The following WDR20 variants were observed in gnomAD, a reference collection of about 807,000 sequenced individuals.
WDR20 encodes WD repeat-containing protein 20.
Under a neutral mutation model 38.7 loss-of-function variants are expected in WDR20, and 3 were observed. That is an observed-to-expected ratio of 0.08 (90% CI 0.04 to 0.20). The LOEUF is 0.20. Ranked by LOEUF, WDR20 falls within the 10% of genes least tolerant of loss-of-function variation. The pLI, the probability that WDR20 is intolerant of heterozygous loss-of-function variation, is 1.00. For missense variants in WDR20, 559 were observed against 727.7 expected (o/e 0.77, Z 2.67); for synonymous variants, 298 against 285.6 (o/e 1.04, Z -0.44).
intron 1 of WDR20, among the ~76,000 whole-genome samples, chr14:102,152,222 G>A (rs2056147283): frequency 6.6e-6 from 1 of 151,806 alleles, no homozygotes; most frequent in Admixed American, 6.6e-5. Flanking sequence ...TGGCCCATGA[G>A]TACTCTTTTT....
intron 1 of WDR20, among the ~76,000 whole-genome samples, chr14:102,180,751 A>G (rs1045906900): frequency 2.6e-5 from 4 of 152,190 alleles, no homozygotes; most frequent in Non-Finnish European, 4.4e-5. Flanking sequence ...GCTGCTGTCT[A>G]TGAGACCTGC....
At chr14:102,147,382 T>G (rs1178815749) in intron 1 of WDR20, among the ~76,000 whole-genome samples, 1 of 152,094 alleles carries the variant, frequency 6.6e-6, no homozygotes, top group African/African-American at 2.4e-5. Context: ...AAGCGAGACC[T>G]TCCCAAAAAA....
At chr14:102,185,793 C>T (rs1475122078) in intron 1 of WDR20, among the ~76,000 whole-genome samples, 1 of 145,100 alleles carries the variant, frequency 6.9e-6, no homozygotes, top group Non-Finnish European at 1.5e-5. Context: ...TCCAGCTGGG[C>T]GACAGAGCGA....
rs1161495839 is a variant in WDR20, at chr14:102,222,976, G to C, written c.*93G>C. ...AGCTGCGCCTGAGCCGTGCCAGCCG[G>C]CGGACCTCAGGCGGTGGACGTCGGC... is the stretch of plus-strand genomic sequence containing the variant. On this transcript the variant is annotated 3_prime_UTR_variant, in exon 4 of 4. Coordinates refer to the WDR20 transcript ENST00000335263. The surrounding 1 kb of genome is among the most constrained non-coding windows in gnomAD (Gnocchi z 4.4). 6.6e-7 allele frequency: 1 copy of C among 1,518,672 alleles called. No individual in the cohort carries two copies. The highest frequency in any genetic ancestry group is 1.4e-5 in the African/African-American group (1 of 72,970). 94.1% of individuals were successfully genotyped at this position (1,518,672 alleles called of 1,614,324 possible).
chr14:102,194,915 G>T, intron 1 of WDR20, 23 bp from the exon 2 acceptor site: 1 of 1,611,168 alleles, frequency 6.2e-7, no homozygotes, highest in South Asian at 1.1e-5. Flanking sequence ...TTTACTGTAT[G>T]TATTTTTCTC....
chr14:102,170,286 T>G (rs898223418), intron 1 of WDR20, among the ~76,000 whole-genome samples: 1 of 152,230 alleles, frequency 6.6e-6, no homozygotes. Context: ...TATACTGCAA[T>G]AAATCACTTT....
intron 1 of WDR20, among the ~76,000 whole-genome samples, chr14:102,194,442 G>C (rs1444078045): frequency 6.6e-6 from 1 of 152,170 alleles, no homozygotes; most frequent in Admixed American, 6.5e-5. Context: ...GGTGAGGTTT[G>C]AGATTTTTGC....
At chr14:102,203,372 A>G (rs918493283) in intron 2 of WDR20, among the ~76,000 whole-genome samples, 3 of 152,064 alleles carry the variant, frequency 2.0e-5, no homozygotes, top group African/African-American at 7.2e-5. Context: ...GATCATTGAC[A>G]TTTTTTTTCA....
intron 1 of WDR20, among the ~76,000 whole-genome samples, chr14:102,182,402 C>T (rs1280657424): frequency 2.0e-5 from 3 of 151,662 alleles, no homozygotes; most frequent in Non-Finnish European, 4.4e-5. Flanking sequence ...CCTCTCTCCT[C>T]TCATTGAGTG....
chr14:102,224,036 G>GTTTTTTTTTTTTTTTTTTTTTTTTTTT (rs1184725386), downstream of WDR20, among the ~76,000 whole-genome samples: 2 of 139,442 alleles, frequency 1.4e-5, no homozygotes, highest in African/African-American at 5.4e-5. Flanking sequence ...GTTTACCTGA[G>GTTTTTTTTTTTTTTTTTTTTTTTTTTT]ATTTTTTTTT....
downstream of WDR20, among the ~76,000 whole-genome samples, chr14:102,224,275 C>T (rs1190560): frequency 1.6e-3 from 237 of 151,980 alleles, 2 homozygotes; most frequent in East Asian, 0.036. Flanking sequence ...CTCCTGACCT[C>T]GTGATCCGCC....
intron 1 of WDR20, among the ~76,000 whole-genome samples, chr14:102,141,635 AAGGGAATGTTAC>A (rs1377782377): frequency 6.6e-6 from 1 of 152,114 alleles, no homozygotes; most frequent in Non-Finnish European, 1.5e-5. Flanking sequence ...CCTCTTTAAA[AAGGGAATGTTAC>A]AGTGCACGTT....
At chr14:102,165,102 C>A (rs1335122537) in intron 1 of WDR20, among the ~76,000 whole-genome samples, 1 of 152,110 alleles carries the variant, frequency 6.6e-6, no homozygotes, top group African/African-American at 2.4e-5. Flanking sequence ...GCTTTCTGGA[C>A]CACCTGTTTC....
intron 1 of WDR20, among the ~76,000 whole-genome samples, chr14:102,173,830 G>A (rs556528964): frequency 6.6e-6 from 1 of 152,130 alleles, no homozygotes; most frequent in African/African-American, 2.4e-5. Context: ...AGATCATGAG[G>A]TCAGGAGATC....
At chr14:102,218,168 G>A (rs532194790), downstream of WDR20, among the ~76,000 whole-genome samples, 1 of 152,376 alleles carries the variant, frequency 6.6e-6, no homozygotes, top group East Asian at 1.9e-4. Context: ...CCCAGGGCCT[G>A]TGTGCGTCTT....
chr14:102,223,357 AAGAC>A (rs1362676715), exon 4 of WDR20: 1 of 152,694 alleles, frequency 6.5e-6, no homozygotes, highest in Non-Finnish European at 1.5e-5. Context: ...GTAATTCAGG[AAGAC>A]AGACGCTGCA....
chr14:102,210,129 T>A lies in WDR20; in HGVS notation c.*249T>A. On this transcript the variant is annotated 3_prime_UTR_variant, in exon 3 of 3. Transcript: ENST00000342702. ...GTCATCCTCCTGGGAGTATATAGAG[T>A]CCCAAGGTTAGCGCTCCTGTATTAG... is the stretch of plus-strand genomic sequence containing the variant. 1 of 1,227,346 alleles carries A rather than the reference T, an allele frequency of 8.1e-7. No individual in the cohort carries two copies. Among genetic ancestry groups the A allele is most frequent in the Non-Finnish European group, 1.0e-6 (1 of 982,968 alleles). The allele number at this position is 1,227,346 out of a possible 1,614,324, so 76.0% of individuals were successfully genotyped here.
intron 1 of WDR20, among the ~76,000 whole-genome samples, chr14:102,180,808 C>T (rs1156314750): frequency 6.6e-6 from 1 of 152,168 alleles, no homozygotes. Context: ...GAGGGGCTGG[C>T]CTGCATTTCT....
At chr14:102,171,958 CAG>C (rs2060917654) in intron 1 of WDR20, among the ~76,000 whole-genome samples, 1 of 148,144 alleles carries the variant, frequency 6.8e-6, no homozygotes, top group African/African-American at 2.5e-5. Context: ...GTGTTTCTCA[CAG>C]AGAGGGATTT....
Sources: allele counts gnomAD v4.1 joint callset (sites outside exome capture counted in the v4.1 genomes callset), GRCh38; gene constraint gnomAD v4.1.1; non-coding constraint Gnocchi (gnomAD v3.1); transcripts MANE v1.5; gene names NCBI Gene and HGNC (gene_info 2026-07-23, HGNC 2026-07-21).